Variants in MAF observed in about 807,000 individuals in gnomAD.
The protein encoded by MAF is MAF bZIP transcription factor.
A neutral mutation model predicts 22.0 loss-of-function variants in MAF; 10 were observed. The ratio of observed to expected loss-of-function variants is 0.45; its 90% CI spans 0.28 to 0.77. The LOEUF (loss-of-function observed/expected upper bound fraction) is 0.77. Among genes scored for constraint, MAF ranks in the 30% least tolerant of loss-of-function variants. MAF has a pLI of 0.12. For synonymous variants in MAF, 337 were observed against 255.8 expected (o/e 1.32, Z -3.03); for missense variants, 544 against 548.4 (o/e 0.99, Z 0.08).
At chr16:79,294,139 G>A in the MAF span, among the ~76,000 whole-genome samples, 1 of 152,146 alleles carries the variant, frequency 6.6e-6, no homozygotes, top group African/African-American at 2.4e-5. Context: ...CTTGAATTCA[G>A]GGACAAAGCA....
downstream of MAF, among the ~76,000 whole-genome samples, chr16:79,589,981 C>T (rs950624018): frequency 1.1e-3 from 171 of 152,264 alleles, no homozygotes; most frequent in African/African-American, 4.0e-3. Flanking sequence ...GACTGAGGGA[C>T]TCGGTAGCTT....
the MAF span, among the ~76,000 whole-genome samples, chr16:79,380,307 AC>A: frequency 6.6e-6 from 1 of 152,146 alleles, no homozygotes; most frequent in Non-Finnish European, 1.5e-5. Flanking sequence ...AAATAATACC[AC>A]CTACCTCAAG....
chr16:79,210,262 A>C, the MAF span, among the ~76,000 whole-genome samples: 6 of 152,148 alleles, frequency 3.9e-5, no homozygotes, highest in Admixed American at 2.0e-4. Flanking sequence ...CAACAAACCC[A>C]AGTCTGCCTT....
At chr16:79,567,978 C>T in the MAF span, among the ~76,000 whole-genome samples, 4 of 152,144 alleles carry the variant, frequency 2.6e-5, no homozygotes, top group African/African-American at 9.7e-5. Flanking sequence ...TCGACAGACT[C>T]CAGAGCTTAG....
At chr16:79,278,740 C>T in the MAF span, among the ~76,000 whole-genome samples, 26 of 152,092 alleles carry the variant, frequency 1.7e-4, no homozygotes, top group African/African-American at 4.6e-4. Context: ...GGAAGCCTGT[C>T]GAGCTACCCA....
the MAF span, among the ~76,000 whole-genome samples, chr16:79,328,615 C>G: frequency 1.4e-4 from 21 of 152,192 alleles, no homozygotes; most frequent in Non-Finnish European, 1.6e-4. Context: ...TGAACGAAGA[C>G]AAAGCTTATT....
the MAF span, among the ~76,000 whole-genome samples, chr16:79,517,655 A>G: frequency 2.7e-5 from 4 of 149,250 alleles, no homozygotes; most frequent in Admixed American, 1.3e-4. Context: ...GCTCACTGCA[A>G]TCTCTGCCTC....
chr16:79,598,211 A>C, intron 1 of MAF: 14 of 1,050,530 alleles, frequency 1.3e-5, no homozygotes, highest in Non-Finnish European at 1.6e-5. Flanking sequence ...AGAAGGAGTG[A>C]GGGTGGAGGT....
chr16:79,548,262 A>T, the MAF span, among the ~76,000 whole-genome samples: 5 of 152,308 alleles, frequency 3.3e-5, no homozygotes, highest in South Asian at 2.1e-4. Context: ...GGATGTTTAA[A>T]GTCTTTATTC....
chr16:79,383,056 G>A, the MAF span, among the ~76,000 whole-genome samples: 3 of 152,148 alleles, frequency 2.0e-5, no homozygotes, highest in Admixed American at 1.3e-4. Flanking sequence ...AGGGGCAAAA[G>A]AATAGATAAT....
the MAF span, among the ~76,000 whole-genome samples, chr16:79,250,375 C>T: frequency 6.6e-6 from 1 of 152,248 alleles, no homozygotes; most frequent in African/African-American, 2.4e-5. Context: ...ACTGACCTCT[C>T]CGCAACTCAG....
chr16:79,414,870 G>T, the MAF span, among the ~76,000 whole-genome samples: 1 of 152,222 alleles, frequency 6.6e-6, no homozygotes, highest in Admixed American at 6.5e-5. Context: ...CACGACACTA[G>T]TTCATGTGTT....
chr16:79,508,203 G>T, the MAF span, among the ~76,000 whole-genome samples: 3 of 152,174 alleles, frequency 2.0e-5, no homozygotes, highest in African/African-American at 7.2e-5. Context: ...GATCCACTGT[G>T]CTCCCTTGCT....
the MAF span, among the ~76,000 whole-genome samples, chr16:79,377,627 C>T: frequency 1.3e-5 from 2 of 152,130 alleles, no homozygotes; most frequent in South Asian, 4.1e-4. Context: ...AATGGTATTG[C>T]CTAGGTTTTC....
the MAF span, among the ~76,000 whole-genome samples, chr16:79,322,314 C>T: frequency 6.6e-6 from 1 of 152,142 alleles, no homozygotes; most frequent in African/African-American, 2.4e-5. Flanking sequence ...TATCGGCACT[C>T]AGGGGGTCAC....
At chr16:79,515,545 G>A in the MAF span, among the ~76,000 whole-genome samples, 2 of 152,224 alleles carry the variant, frequency 1.3e-5, no homozygotes, top group African/African-American at 4.8e-5. Flanking sequence ...GCGAGGCTAG[G>A]CTAGGATGCT....
the MAF span, among the ~76,000 whole-genome samples, chr16:79,208,366 T>G: frequency 3.4e-4 from 45 of 134,060 alleles, no homozygotes; most frequent in Admixed American, 1.8e-3. Context: ...AGGCTTCTGA[T>G]AAATGATTGA....
At chr16:79,373,000 G>A in the MAF span, among the ~76,000 whole-genome samples, 3 of 152,060 alleles carry the variant, frequency 2.0e-5, no homozygotes, top group Admixed American at 1.3e-4. Flanking sequence ...GCATCTCCAG[G>A]CATTTCCTGT....
chr16:79,457,229 A>T, the MAF span, among the ~76,000 whole-genome samples: 2 of 152,152 alleles, frequency 1.3e-5, no homozygotes, highest in African/African-American at 4.8e-5. Flanking sequence ...TGTCACTTGC[A>T]ATTTTCACCA....
Sources: gnomAD v4.1 joint callset for allele counts (sites outside exome capture counted in the v4.1 genomes callset) on GRCh38, gnomAD v4.1.1 for gene constraint, MANE v1.5 for transcripts, NCBI Gene and HGNC (gene_info 2026-07-23, HGNC 2026-07-21) for gene names.